The following MYO18B variants were observed in gnomAD, a reference collection of about 807,000 sequenced individuals.
The protein encoded by MYO18B is myosin XVIIIB.
A neutral mutation model predicts 273.0 loss-of-function variants in MYO18B; 204 were observed. The observed-to-expected ratio is 0.75, with a 90% CI of 0.67 to 0.84. MYO18B has a LOEUF of 0.84. Ranked by LOEUF, MYO18B falls within the 40% of genes least tolerant of loss-of-function variation. MYO18B has a pLI of 0.00. For synonymous variants in MYO18B, 1,330 were observed against 1,305.7 expected, an observed-to-expected ratio of 1.02 and a Z score of -0.40; for missense variants, 3,212 against 3,287.6, an observed-to-expected ratio of 0.98 and a Z score of 0.56.
chr22:25,973,017 T>C (rs1488605672), intron 39 of MYO18B, among the ~76,000 whole-genome samples: 1 of 147,540 alleles, frequency 6.8e-6, no homozygotes, highest in Non-Finnish European at 1.5e-5. Context: ...ACCCACACAA[T>C]CCACTACACA....
Position 25,761,113 on chromosome 22 carries a change from C to T in MYO18B, c.21C>T (p.Leu7=), listed in dbSNP as rs371397750. 97 of 1,613,374 alleles carry T rather than the reference C, an allele frequency of 6.0e-5. 1 individual carries two copies. The highest frequency in any genetic ancestry group is 8.0e-5 in the African/African-American group (6 of 74,924). MAISSR[L]ALWEQKIREE... ...TCAGCATGGCCATCTCATCACGCCT[C>T]GCCCTGTGGGAGCAGAAGGAAAGTG... Residue 7 remains leucine, a synonymous_variant, in exon 2 of 44, where the codon CTC becomes CTT. Transcript: ENST00000335473.
chr22:25,752,482 C>T (rs1271987147), intron 1 of MYO18B, among the ~76,000 whole-genome samples: 2 of 151,962 alleles, frequency 1.3e-5, no homozygotes, highest in Non-Finnish European at 2.9e-5. Flanking sequence ...CCACCGCGCC[C>T]GGCCTTTAAT....
intron 7 of MYO18B, among the ~76,000 whole-genome samples, chr22:25,775,989 A>G (rs2086899489): frequency 6.6e-6 from 1 of 152,148 alleles, no homozygotes; most frequent in South Asian, 2.1e-4. Flanking sequence ...TGCTTTGACA[A>G]TCAATTACAT....
In MYO18B at chr22:25,874,838, A is replaced by G. The variant is rs897280179; in HGVS notation, c.4080+424A>G. Among the ~76,000 whole-genome samples the G allele has an allele frequency of 2.6e-5, 4 of 152,210 alleles. No individual in the cohort carries two copies. The South Asian group carries it at 6.2e-4, about 24-fold the overall frequency. On this transcript the variant is annotated intron_variant, in intron 23 of 43. Transcript: ENST00000335473. Reference sequence around the variant, plus strand: ...GACTGAATTTCCTCTCTGTAGCTGCACAATAGAGAGAAAACCACGTGGCTC... The same window carrying G: ...GACTGAATTTCCTCTCTGTAGCTGCGCAATAGAGAGAAAACCACGTGGCTC...
chr22:25,997,888 C>A (rs759854838), intron 40 of MYO18B, among the ~76,000 whole-genome samples: 2 of 150,976 alleles, frequency 1.3e-5, no homozygotes, highest in African/African-American at 2.5e-5. Flanking sequence ...CTTCTCCAAA[C>A]AGAGTTCTCA....
At chr22:25,787,908 A>G (rs2087471733) in intron 11 of MYO18B, among the ~76,000 whole-genome samples, 2 of 152,092 alleles carry the variant, frequency 1.3e-5, no homozygotes, top group African/African-American at 2.4e-5. Flanking sequence ...GGCCCAAAAT[A>G]TCCGTATGAA....
rs555540334 is a variant in MYO18B, at chr22:25,914,894, T to C, written c.5364+3844T>C. Among the ~76,000 whole-genome samples, 6 of 151,754 alleles carry C rather than the reference T, an allele frequency of 4.0e-5. No homozygotes were observed. In the South Asian group the frequency reaches 1.3e-3, roughly 32 times the overall value. ...TTGTATTTTTCATAGAGATGGGGTT[T>C]CACTGTGTTAGCCAGGATGGTCTCT... On this transcript the variant is annotated intron_variant, in intron 33 of 43. Coordinates refer to ENST00000335473, the MANE Select transcript of MYO18B (RefSeq NM_032608.7).
At chr22:25,995,159 A>G (rs1298516255) in intron 40 of MYO18B, among the ~76,000 whole-genome samples, 1 of 152,250 alleles carries the variant, frequency 6.6e-6, no homozygotes, top group Non-Finnish European at 1.5e-5. Flanking sequence ...ACTGGAAGTC[A>G]TTATGTTAAG....
chr22:25,989,505 G>A (rs1356410411), intron 39 of MYO18B, among the ~76,000 whole-genome samples: 1 of 151,942 alleles, frequency 6.6e-6, no homozygotes, highest in Non-Finnish European at 1.5e-5. Context: ...GGAGCTGGCC[G>A]GGCGTGGTGG....
rs375262834 is a variant in MYO18B at position 25,800,844 on chromosome 22, CTGA to C, written c.2521+2752_2521+2754del. Among the ~76,000 whole-genome samples, 228 of 152,344 alleles carry C rather than the reference CTGA, an allele frequency of 1.5e-3. 1 individual carries two copies. The highest frequency in any genetic ancestry group is 5.1e-3 in the African/African-American group (210 of 41,574). Reference sequence around the variant, plus strand: ...GACCTGACCCATCACATCAGTGCATCTGATGATAAGAGAAAGTCACTTTTATAA... The same window carrying C: ...GACCTGACCCATCACATCAGTGCATCTGATAAGAGAAAGTCACTTTTATAA... On this transcript the variant is annotated intron_variant, in intron 12 of 43. Transcript: ENST00000335473.
chr22:25,949,974 T>C (rs1455238652), intron 36 of MYO18B, among the ~76,000 whole-genome samples: 4 of 152,110 alleles, frequency 2.6e-5, no homozygotes. Flanking sequence ...ATGCAGAGAC[T>C]CAGGTGCAGA....
the MYO18B span, among the ~76,000 whole-genome samples, chr22:26,051,669 C>A: frequency 6.6e-6 from 1 of 152,176 alleles, no homozygotes; most frequent in African/African-American, 2.4e-5. Flanking sequence ...CTTCGTACTT[C>A]TACTCTTGGC....
chr22:25,843,756 G>A lies in MYO18B; in HGVS notation c.3230G>A (p.Cys1077Tyr). 6.2e-7 allele frequency: 1 copy of A among 1,613,730 alleles called. No homozygotes were observed. The highest frequency in any genetic ancestry group is 8.5e-7 in the Non-Finnish European group (1 of 1,179,650). The change falls in exon 18 of 44, where the codon TGT becomes TAT. Residue 1077 changes from cysteine to tyrosine, a missense_variant. By Grantham distance (194) the Cys-to-Tyr change is radical. Transcript: ENST00000335473. ...GTEGSSALRT[C>Y]EQPLQCEIFH... The stretch of plus-strand genomic sequence containing the variant: ...CCAGGGTCCTCTGCCCTGCGGACCT[G>A]TGAGCAGCCCCTCCAGTGTGAGATT...
chr22:25,880,679 G>C (rs965103395), intron 25 of MYO18B, among the ~76,000 whole-genome samples: 3 of 152,204 alleles, frequency 2.0e-5, no homozygotes, highest in African/African-American at 7.2e-5. Context: ...AGGAAGGAGG[G>C]AAAGTCCCTG....
At chr22:25,755,088 G>A (rs533099056) in intron 1 of MYO18B, among the ~76,000 whole-genome samples, 1 of 152,270 alleles carries the variant, frequency 6.6e-6, no homozygotes, top group East Asian at 1.9e-4. Context: ...CGGGGGCCTC[G>A]CCAGTGTCTC....
chr22:25,814,345 A>G (rs2088909718), intron 12 of MYO18B, among the ~76,000 whole-genome samples: 2 of 74,192 alleles, frequency 2.7e-5, no homozygotes, highest in Admixed American at 2.2e-4. Context: ...TTTGAGACAG[A>G]GTTTCACTCT....
chr22:25,859,970 C>T (rs994211015), intron 21 of MYO18B, among the ~76,000 whole-genome samples: 8 of 152,156 alleles, frequency 5.3e-5, no homozygotes, highest in African/African-American at 1.9e-4. Context: ...GTTTTAGCTC[C>T]TCCGTGTAGA....
intron 35 of MYO18B, among the ~76,000 whole-genome samples, chr22:25,947,407 A>G (rs2092724473): frequency 6.8e-6 from 1 of 147,460 alleles, no homozygotes; most frequent in Non-Finnish European, 1.5e-5. Flanking sequence ...ATGTGCACAC[A>G]TAGATTCCCA....
intron 25 of MYO18B, among the ~76,000 whole-genome samples, chr22:25,889,821 A>G (rs900498832): frequency 6.6e-6 from 1 of 152,192 alleles, no homozygotes; most frequent in Non-Finnish European, 1.5e-5. Context: ...ATTCATTTAA[A>G]AATTCCTATT....
Sources: gnomAD v4.1 joint callset for allele counts (sites outside exome capture counted in the v4.1 genomes callset) on GRCh38, gnomAD v4.1.1 for gene constraint, MANE v1.5 for transcripts, NCBI Gene and HGNC (gene_info 2026-07-23, HGNC 2026-07-21) for gene names.